CCDC73: variants seen among roughly 807,000 people sequenced by gnomAD.
CCDC73 encodes the protein coiled-coil domain containing 73.
In CCDC73, 95 loss-of-function variants were observed where a neutral mutation model predicts 116.5. The ratio of observed to expected loss-of-function variants is 0.82; its 90% CI spans 0.69 to 0.97. CCDC73 has a LOEUF of 0.97. Among genes scored for constraint, CCDC73 ranks in the 50% least tolerant of loss-of-function variants. The pLI is 0.00. For synonymous variants in CCDC73, 398 were observed against 401.3 expected (o/e 0.99, Z 0.10); for missense variants, 1,066 against 1,206.8 (o/e 0.88, Z 1.73).
chr11:32,776,989 G>GTATATATATATATATATA (rs71063758), intron 1 of CCDC73, among the ~76,000 whole-genome samples: 3 of 101,140 alleles, frequency 3.0e-5, no homozygotes, highest in African/African-American at 7.4e-5. Context: ...ATATACACAT[G>GTATATATATATATATATA]TATATATATA....
the CCDC73 span, among the ~76,000 whole-genome samples, chr11:32,820,210 T>C: frequency 6.6e-6 from 1 of 152,120 alleles, no homozygotes; most frequent in Non-Finnish European, 1.5e-5. Context: ...TGGAGTGTAG[T>C]GGCGTGTGCA....
At chr11:32,681,085 T>C (rs1856138837) in intron 7 of CCDC73, 1 of 151,966 alleles carries the variant, frequency 6.6e-6, no homozygotes, top group Non-Finnish European at 1.5e-5. Flanking sequence ...TCTTAATCTA[T>C]CAAAACTTTC....
chr11:32,758,978 A>G (rs1850367331), intron 2 of CCDC73, among the ~76,000 whole-genome samples: 1 of 152,120 alleles, frequency 6.6e-6, no homozygotes, highest in Admixed American at 6.5e-5. Context: ...GTAACAATAA[A>G]TTTCAATATT....
intron 9 of CCDC73, among the ~76,000 whole-genome samples, chr11:32,670,461 G>A (rs544943962): frequency 6.6e-6 from 1 of 151,430 alleles, no homozygotes; most frequent in Non-Finnish European, 1.5e-5. Context: ...GGCGGAGCTT[G>A]CAGTGAGCCA....
chr11:32,619,386 T>A (rs570317545), intron 14 of CCDC73, among the ~76,000 whole-genome samples: 2 of 152,290 alleles, frequency 1.3e-5, no homozygotes, highest in East Asian at 3.9e-4. Flanking sequence ...AATATACAAG[T>A]TGGACTGGGT....
intron 1 of CCDC73, among the ~76,000 whole-genome samples, chr11:32,771,650 C>T (rs892473438): frequency 1.8e-4 from 27 of 152,222 alleles, no homozygotes; most frequent in Admixed American, 1.4e-3. Context: ...ACATTCAAAC[C>T]GATGGACTTT....
chr11:32,668,566 C>A (rs976424650), intron 9 of CCDC73, among the ~76,000 whole-genome samples: 2 of 152,082 alleles, frequency 1.3e-5, no homozygotes, highest in African/African-American at 4.8e-5. Flanking sequence ...TTGATGAGAG[C>A]AGTCATATCA....
At chr11:32,830,437 C>G in the CCDC73 span, 3 of 1,184,908 alleles carry the variant, frequency 2.5e-6, no homozygotes, top group South Asian at 3.9e-5. Context: ...GTTGGTGATT[C>G]AGTTCGACAG....
At chr11:32,695,880 A>G (rs189551358) in intron 6 of CCDC73, among the ~76,000 whole-genome samples, 2 of 151,866 alleles carry the variant, frequency 1.3e-5, no homozygotes, top group Admixed American at 1.3e-4. Flanking sequence ...AGAAAATTGA[A>G]ACTTGAAAAA....
At chr11:32,714,239 T>C (rs1849925282) in intron 3 of CCDC73, among the ~76,000 whole-genome samples, 1 of 152,098 alleles carries the variant, frequency 6.6e-6, no homozygotes, top group Non-Finnish European at 1.5e-5. Flanking sequence ...CCAAGAAGGT[T>C]ACCTCTAACT....
chr11:32,637,106 G>C (rs562792528), intron 13 of CCDC73, among the ~76,000 whole-genome samples: 27 of 132,152 alleles, frequency 2.0e-4, no homozygotes, highest in Middle Eastern at 5.2e-3. Context: ...TGCAACCTCC[G>C]CCTCCTGGAT....
At chr11:32,624,975 A>G (rs1322050665) in intron 14 of CCDC73, among the ~76,000 whole-genome samples, 1 of 152,242 alleles carries the variant, frequency 6.6e-6, no homozygotes, top group African/African-American at 2.4e-5. Context: ...GGTGGGAATT[A>G]AACAATGAGA....
intron 12 of CCDC73, among the ~76,000 whole-genome samples, chr11:32,647,237 C>T (rs1402422318): frequency 6.6e-6 from 1 of 152,180 alleles, no homozygotes; most frequent in Non-Finnish European, 1.5e-5. Flanking sequence ...AGCTTTTACT[C>T]ATGGTGGAAG....
At chr11:32,669,455 G>A (rs962530147) in intron 9 of CCDC73, among the ~76,000 whole-genome samples, 2 of 152,012 alleles carry the variant, frequency 1.3e-5, no homozygotes, top group African/African-American at 4.8e-5. Flanking sequence ...TTTATCGTTT[G>A]TGTTATAAAA....
intron 13 of CCDC73, among the ~76,000 whole-genome samples, chr11:32,641,088 T>C (rs1017942072): frequency 6.6e-6 from 1 of 152,170 alleles, no homozygotes; most frequent in Non-Finnish European, 1.5e-5. Flanking sequence ...GAGTTACTTA[T>C]GTAATAATTT....
At chr11:32,820,162 T>G in the CCDC73 span, among the ~76,000 whole-genome samples, 4 of 151,600 alleles carry the variant, frequency 2.6e-5, no homozygotes, top group African/African-American at 9.7e-5. Context: ...GAACTGGAAC[T>G]TTTTTTTTGA....
intron 17 of CCDC73, chr11:32,606,376 C>G (rs1351675705): frequency 6.6e-6 from 1 of 152,218 alleles, no homozygotes; most frequent in Non-Finnish European, 1.5e-5. Flanking sequence ...GCTCAATTCT[C>G]AGTGCCATGC....
chr11:32,728,733 C>A (rs1850050493), intron 2 of CCDC73, among the ~76,000 whole-genome samples: 3 of 152,140 alleles, frequency 2.0e-5, no homozygotes, highest in Non-Finnish European at 4.4e-5. Flanking sequence ...GAGCTGGAGT[C>A]TCGCTCTGTC....
chr11:32,706,380 T>A (rs1184221651), intron 3 of CCDC73, among the ~76,000 whole-genome samples: 1 of 152,130 alleles, frequency 6.6e-6, no homozygotes, highest in East Asian at 1.9e-4. Context: ...TCTCCAAATC[T>A]ACATCTTCAA....
Sources: allele counts gnomAD v4.1 joint callset (sites outside exome capture counted in the v4.1 genomes callset), GRCh38; gene constraint gnomAD v4.1.1; transcripts MANE v1.5; gene names NCBI Gene and HGNC (gene_info 2026-07-23, HGNC 2026-07-21).